The following OTOGL variants were observed in gnomAD, a reference collection of about 807,000 sequenced individuals.
OTOGL encodes otogelin-like protein.
In OTOGL, 285 loss-of-function variants were observed where a neutral mutation model predicts 318.5. That is an observed-to-expected ratio of 0.89 (90% CI 0.81 to 0.99). The LOEUF is 0.99. OTOGL is among the 50% of genes least tolerant of loss of function. OTOGL has a pLI of 0.00. For missense variants in OTOGL, 2,899 were observed against 2,845.6 expected (o/e 1.02, Z -0.43); for synonymous variants, 987 against 936.5 (o/e 1.05, Z -0.99).
intron 11 of OTOGL, among the ~76,000 whole-genome samples, chr12:80,249,552 C>G (rs945478803): frequency 6.6e-6 from 1 of 151,828 alleles, no homozygotes; most frequent in African/African-American, 2.4e-5. Flanking sequence ...GCTGGGAGAA[C>G]CACTGCTCTC....
chr12:80,125,921 C>A (rs567042625), intron 1 of OTOGL, among the ~76,000 whole-genome samples: 1 of 151,240 alleles, frequency 6.6e-6, no homozygotes, highest in East Asian at 1.9e-4. Flanking sequence ...CTATTTGATT[C>A]TTCTCTCTTT....
At chr12:80,208,287 T>A (rs1364035360) in intron 1 of OTOGL, 2 of 492,888 alleles carry the variant, frequency 4.1e-6, no homozygotes, top group South Asian at 1.5e-5. Context: ...ATATAATGAA[T>A]GTTGGACCAT....
chr12:80,222,969 T>C (rs558090798), intron 7 of OTOGL, among the ~76,000 whole-genome samples: 25 of 127,830 alleles, frequency 2.0e-4, no homozygotes, highest in Admixed American at 1.6e-3. Flanking sequence ...ATTTCTGAGA[T>C]TTTAGTCCAC....
chr12:80,279,285 A>C (rs1186366724), intron 26 of OTOGL, 119 bp downstream of exon 26: 1 of 1,066,916 alleles, frequency 9.4e-7, no homozygotes, highest in Non-Finnish European at 1.3e-6. Context: ...TAAAACAATT[A>C]TATATATTTT....
chr12:80,164,953 T>C (rs564907983), intron 1 of OTOGL, among the ~76,000 whole-genome samples: 1 of 152,106 alleles, frequency 6.6e-6, no homozygotes, highest in African/African-American at 2.4e-5. Flanking sequence ...TTTCTTGGTA[T>C]GAAGAGGATA....
chr12:80,106,747 T>C (rs1048857566), intron 1 of OTOGL, among the ~76,000 whole-genome samples: 1 of 152,214 alleles, frequency 6.6e-6, no homozygotes, highest in Non-Finnish European at 1.5e-5. Context: ...TTAATCATAC[T>C]GTATAGAAAG....
intron 1 of OTOGL, among the ~76,000 whole-genome samples, chr12:80,203,668 G>A (rs900097501): frequency 7.9e-5 from 12 of 152,088 alleles, no homozygotes; most frequent in African/African-American, 1.4e-4. Context: ...GCTCAGTAGC[G>A]GGTAGTGAGA....
At chr12:80,158,151 A>T (rs1320865730) in intron 1 of OTOGL, among the ~76,000 whole-genome samples, 1 of 152,116 alleles carries the variant, frequency 6.6e-6, no homozygotes. Context: ...TTTTGTTTTT[A>T]AAAAAACAAC....
intron 1 of OTOGL, among the ~76,000 whole-genome samples, chr12:80,196,530 C>T (rs951578645): frequency 3.3e-5 from 5 of 152,126 alleles, no homozygotes; most frequent in African/African-American, 1.2e-4. Flanking sequence ...TGCCTGCTGG[C>T]CCCTAGGTGT....
intron 1 of OTOGL, among the ~76,000 whole-genome samples, chr12:80,128,787 G>A (rs1384733630): frequency 6.6e-6 from 1 of 152,174 alleles, no homozygotes; most frequent in African/African-American, 2.4e-5. Flanking sequence ...TTTGATCTCA[G>A]ACTGCTGTGC....
intron 46 of OTOGL, among the ~76,000 whole-genome samples, chr12:80,354,822 T>C (rs75058023): frequency 0.054 from 8,248 of 152,298 alleles, 304 homozygotes; most frequent in Middle Eastern, 0.15. Flanking sequence ...AATACATTTA[T>C]CATTATTATT....
At chr12:80,149,793 G>C (rs1400485255) in intron 1 of OTOGL, among the ~76,000 whole-genome samples, 1 of 152,206 alleles carries the variant, frequency 6.6e-6, no homozygotes, top group Non-Finnish European at 1.5e-5. Flanking sequence ...TAAGCCCGTC[G>C]GAAAAGCGCA....
chr12:80,308,027 G>C (rs1440435047), intron 29 of OTOGL, among the ~76,000 whole-genome samples: 6 of 143,814 alleles, frequency 4.2e-5, no homozygotes, highest in Non-Finnish European at 9.2e-5. Context: ...GCCGGACGGG[G>C]CGGCTGGCCG....
chr12:80,278,947 G>A, intron 25 of OTOGL, 81 bp from the exon 26 acceptor site: 1 of 1,472,900 alleles, frequency 6.8e-7, no homozygotes, highest in Non-Finnish European at 9.3e-7. Flanking sequence ...CTTGAATACA[G>A]ACATTCCAAT....
At chr12:80,186,396 C>T (rs1875291430) in intron 1 of OTOGL, among the ~76,000 whole-genome samples, 1 of 152,084 alleles carries the variant, frequency 6.6e-6, no homozygotes, top group South Asian at 2.1e-4. Flanking sequence ...ATCTTCATTA[C>T]CTCTCGGATG....
In OTOGL at chr12:80,378,116, C is replaced by A; in HGVS notation, c.*68C>A. ...ATAGAATTAACTTTTATTGCTATTACTTAGGCATGTGGCAGATTTATGCTG... is the reference window on the plus strand; with the variant it reads ...ATAGAATTAACTTTTATTGCTATTAATTAGGCATGTGGCAGATTTATGCTG... On this transcript the variant is annotated 3_prime_UTR_variant, in exon 59 of 59. Coordinates refer to ENST00000547103, the MANE Select transcript of OTOGL (RefSeq NM_001378609.3). The A allele has an allele frequency of 8.3e-7, 1 of 1,206,040 alleles. No individual in the cohort carries two copies. Among genetic ancestry groups the A allele is most frequent in the Non-Finnish European group, 1.2e-6 (1 of 859,518 alleles). The allele number at this position is 1,206,040 out of a possible 1,614,324, so 74.7% of individuals were successfully genotyped here.
intron 1 of OTOGL, among the ~76,000 whole-genome samples, chr12:80,186,189 A>G (rs1032075933): frequency 2.0e-5 from 3 of 152,328 alleles, no homozygotes; most frequent in African/African-American, 7.2e-5. Context: ...GTTTGCTTCA[A>G]AACAGTTGTT....
chr12:80,199,126 G>A (rs1375270254), intron 1 of OTOGL, among the ~76,000 whole-genome samples: 1 of 151,998 alleles, frequency 6.6e-6, no homozygotes, highest in Admixed American at 6.6e-5. Flanking sequence ...TCTTACAATG[G>A]CCCAAAGCAC....
chr12:80,232,963 C>T lies in OTOGL; in HGVS notation c.683C>T (p.Thr228Ile), dbSNP rs1879500412. The change falls in exon 9 of 59, where the codon ACC becomes ATC. Residue 228 changes from threonine to isoleucine, a missense_variant. Thr to Ile is a moderately conservative substitution (Grantham distance 89). Around this residue, in one of 3 missense-constraint regions of OTOGL, gnomAD observed 2,607 missense variants for 2,524.9 expected, o/e 1.03. Coordinates refer to ENST00000547103, the MANE Select transcript of OTOGL (RefSeq NM_001378609.3). ...KLADYILVKT[T>I]FGFSLAWDGI... ...GCTGACTACATTCTTGTGAAAACAACCTTTGGCTTTTCATTGGCTTGGGAC... is the reference window on the plus strand; with the variant it reads ...GCTGACTACATTCTTGTGAAAACAATCTTTGGCTTTTCATTGGCTTGGGAC... 2 of 1,599,140 alleles carry T rather than the reference C, an allele frequency of 1.3e-6. No homozygotes were observed. Among genetic ancestry groups the T allele is most frequent in the Non-Finnish European group, 1.7e-6 (2 of 1,179,500 alleles).
Sources: allele counts gnomAD v4.1 joint callset (sites outside exome capture counted in the v4.1 genomes callset), GRCh38; gene constraint gnomAD v4.1.1; regional missense constraint gnomAD v4.1.1; transcripts MANE v1.5; gene names NCBI Gene and HGNC (gene_info 2026-07-23, HGNC 2026-07-21).